The following KIF21A variants were observed in gnomAD, a reference collection of about 807,000 sequenced individuals.
KIF21A encodes the protein kinesin family member 21A.
Under a neutral mutation model 202.9 loss-of-function variants are expected in KIF21A, and 114 were observed. The ratio of observed to expected loss-of-function variants is 0.56; its 90% CI spans 0.48 to 0.66. The LOEUF is 0.66. Among genes scored for constraint, KIF21A ranks in the 30% least tolerant of loss-of-function variants. The pLI, the probability that KIF21A is intolerant of heterozygous loss-of-function variation, is 0.00. For synonymous variants in KIF21A, 667 were observed against 670.8 expected (o/e 0.99, Z 0.09); for missense variants, 1,677 against 1,994.9 (o/e 0.84, Z 3.04).
chr12:39,388,486 GC>G (rs1204531788), intron 1 of KIF21A, among the ~76,000 whole-genome samples: 3 of 152,060 alleles, frequency 2.0e-5, no homozygotes, highest in African/African-American at 7.2e-5. Flanking sequence ...TCCTCTTCCT[GC>G]TAGGCTGTAC....
At chr12:39,296,275 T>C (rs1442906170) in intron 37 of KIF21A, among the ~76,000 whole-genome samples, 1 of 148,726 alleles carries the variant, frequency 6.7e-6, no homozygotes, top group Non-Finnish European at 1.5e-5. Flanking sequence ...TTCACCGTGT[T>C]AGCCAGGATG....
intron 1 of KIF21A, among the ~76,000 whole-genome samples, chr12:39,440,061 C>G (rs1214723579): frequency 3.3e-5 from 5 of 152,114 alleles, no homozygotes; most frequent in Non-Finnish European, 7.4e-5. Context: ...GCTGAGGAAC[C>G]CTTCTCAAAC....
chr12:39,304,864 C>T lies in KIF21A; in HGVS notation c.4517G>A (p.Gly1506Glu), dbSNP rs775422512. 2 of 1,607,018 alleles carry T rather than the reference C, an allele frequency of 1.2e-6. No individual in the cohort carries two copies. The highest frequency in any genetic ancestry group is 1.1e-5 in the South Asian group (1 of 90,766). Residue 1506 changes from glycine (G) to glutamate (E), a missense_variant, in exon 35 of 38, where the codon GGA becomes GAA. Gly to Glu is a moderately conservative substitution (Grantham distance 98, BLOSUM62 -2). Coordinates refer to ENST00000361418, the MANE Select transcript of KIF21A (RefSeq NM_001173464.2). ...MCLTVDQISS[G>E]QDLIITGSKD... ...GGAGCCAGTGATGATTAGATCTTGTCCACTGGAAATCTGATCCACAGTAAG... is the reference window on the plus strand; with the variant it reads ...GGAGCCAGTGATGATTAGATCTTGTTCACTGGAAATCTGATCCACAGTAAG...
chr12:39,303,372 T>C (rs753313209), intron 35 of KIF21A, among the ~76,000 whole-genome samples: 3 of 152,200 alleles, frequency 2.0e-5, no homozygotes, highest in Admixed American at 6.5e-5. Flanking sequence ...GCAATCATAC[T>C]GCACAGCTGC....
chr12:39,407,713 AT>A (rs1046695143), intron 1 of KIF21A, among the ~76,000 whole-genome samples: 3 of 152,172 alleles, frequency 2.0e-5, no homozygotes, highest in Non-Finnish European at 4.4e-5. Context: ...TCCCATTATC[AT>A]TTTAACAAAT....
In KIF21A at chr12:39,442,840, C is replaced by G. The variant is rs537901880; in HGVS notation, c.44+87G>C. ...GGACGCCCCTCAGGTCGCTCCACCC[C>G]GGTAGCCGGTGCTCCGCGCCACAGC... is the stretch of plus-strand genomic sequence containing the variant. On this transcript the variant is annotated intron_variant, in intron 1 of 37. Transcript: ENST00000361418. The surrounding 1 kb of genome is among the most constrained non-coding windows in gnomAD (Gnocchi z 5.0). The G allele has an allele frequency of 6.8e-7, 1 of 1,475,646 alleles. No homozygotes were observed. Among genetic ancestry groups the G allele is most frequent in the Non-Finnish European group, 9.1e-7 (1 of 1,102,998 alleles). The allele number at this position is 1,475,646 out of a possible 1,614,324, so 91.4% of individuals were successfully genotyped here.
rs2139132518 is a variant in KIF21A, at chr12:39,368,010, T to G, written c.473A>C (p.Asp158Ala). ...FLELYNEEVL[D>A]LFDTTRDIDA... ...AATATCACGAGTGGTATCAAATAAG[T>G]CAAGGACCTCTTCATTATAGAGCTA... Residue 158 changes from aspartate (D) to alanine (A), a missense_variant, in exon 4 of 38, where the codon GAC (aspartate) becomes GCC (alanine). Asp to Ala is a moderately radical substitution (Grantham distance 126, BLOSUM62 -2). This residue lies in a region of KIF21A where 966 missense variants were observed against 1,180.9 expected (regional missense o/e 0.82). Coordinates refer to ENST00000361418, the MANE Select transcript of KIF21A (RefSeq NM_001173464.2). 6.3e-7 allele frequency: 1 copy of G among 1,593,374 alleles called. No homozygotes were observed. The highest frequency in any genetic ancestry group is 1.7e-5 in the Admixed American group (1 of 59,924).
intron 1 of KIF21A, among the ~76,000 whole-genome samples, chr12:39,371,489 C>A (rs1386385963): frequency 6.6e-6 from 1 of 152,066 alleles, no homozygotes; most frequent in Non-Finnish European, 1.5e-5. Context: ...CAGAACAAAC[C>A]AAAATCTAGT....
chr12:39,300,654 T>G (rs771450754), intron 37 of KIF21A, among the ~76,000 whole-genome samples: 4 of 152,138 alleles, frequency 2.6e-5, no homozygotes, highest in African/African-American at 4.8e-5. Flanking sequence ...CACTTCACAT[T>G]ATATAATACA....
At chr12:39,346,917 C>T (rs1391232477) in intron 11 of KIF21A, among the ~76,000 whole-genome samples, 1 of 151,614 alleles carries the variant, frequency 6.6e-6, no homozygotes, top group African/African-American at 2.4e-5. Flanking sequence ...CTTTTAATGG[C>T]ATCATTAAAA....
intron 11 of KIF21A, among the ~76,000 whole-genome samples, chr12:39,349,445 C>A (rs1948184058): frequency 6.6e-6 from 1 of 152,016 alleles, no homozygotes; most frequent in Non-Finnish European, 1.5e-5. Context: ...AAACATGAAG[C>A]ATGGAATGTA....
At chr12:39,300,730 T>A (rs1942885830) in intron 37 of KIF21A, among the ~76,000 whole-genome samples, 1 of 152,140 alleles carries the variant, frequency 6.6e-6, no homozygotes, top group Non-Finnish European at 1.5e-5. Flanking sequence ...ATATATAAAC[T>A]GTCATTTTAC....
rs772431095 is a variant in KIF21A, at chr12:39,356,816, A to G, written c.1469+16T>C. ...AACAAACATGTGCATTATATGTTAC[A>G]GAACATGAACTATACCTGAGATCTT... On this transcript the variant is annotated intron_variant, in intron 10 of 37. Transcript: ENST00000361418. 6 of 1,061,772 alleles carry G rather than the reference A, an allele frequency of 5.7e-6. No individual in the cohort carries two copies. In the African/African-American group the frequency reaches 7.8e-5, roughly 14 times the overall value. 65.8% of individuals were successfully genotyped at this position (1,061,772 alleles called of 1,614,324 possible).
rs774759012 is a variant in KIF21A at position 39,366,503 on chromosome 12, A to G, written c.750T>C (p.Asp250=). ...GTGCTGATTCAGAAATAATTTTATT[A>G]TCAGTTGCATTGTCCTGAAATTAAG... ...CPQIDADNAT[D]NKIISESAQM... The change falls in exon 6 of 38, where the codon GAT becomes GAC. Residue 250 remains aspartate (D), a synonymous_variant. Coordinates refer to ENST00000361418, the MANE Select transcript of KIF21A (RefSeq NM_001173464.2). 2 of 1,605,898 alleles carry G rather than the reference A, an allele frequency of 1.2e-6. No individual in the cohort carries two copies. Among genetic ancestry groups the G allele is most frequent in the East Asian group, 4.5e-5 (2 of 44,830 alleles).
chr12:39,308,840 G>T (rs1428003997), intron 33 of KIF21A, among the ~76,000 whole-genome samples: 4 of 151,956 alleles, frequency 2.6e-5, no homozygotes. Flanking sequence ...TCAGTAAAAA[G>T]AATAATAAAG....
intron 1 of KIF21A, among the ~76,000 whole-genome samples, chr12:39,414,069 T>G (rs1176546560): frequency 6.6e-6 from 1 of 152,244 alleles, no homozygotes; most frequent in African/African-American, 2.4e-5. Flanking sequence ...GGTTCAGATG[T>G]ACTCTAGTTT....
chr12:39,436,285 TC>T (rs1938673010), intron 1 of KIF21A, among the ~76,000 whole-genome samples: 1 of 151,566 alleles, frequency 6.6e-6, no homozygotes. Context: ...TCATGTGACC[TC>T]AATCAATTCC....
At chr12:39,356,807 A>G (rs1354669988) in intron 10 of KIF21A, 25 bp downstream of exon 10, 2 of 985,354 alleles carry the variant, frequency 2.0e-6, no homozygotes, top group South Asian at 1.3e-5. Flanking sequence ...CATGTGCATT[A>G]TATGTTACAG....
At chr12:39,390,124 T>C (rs947606190) in intron 1 of KIF21A, among the ~76,000 whole-genome samples, 3 of 152,170 alleles carry the variant, frequency 2.0e-5, no homozygotes, top group Non-Finnish European at 4.4e-5. Context: ...TATAGCACTA[T>C]GCTTCCCATC....
Sources: allele counts gnomAD v4.1 joint callset (sites outside exome capture counted in the v4.1 genomes callset), GRCh38; gene constraint gnomAD v4.1.1; regional missense constraint gnomAD v4.1.1; non-coding constraint Gnocchi (gnomAD v3.1); transcripts MANE v1.5; gene names NCBI Gene and HGNC (gene_info 2026-07-23, HGNC 2026-07-21).